The following LRP1B variants were observed in gnomAD, a reference collection of about 807,000 sequenced individuals.
LRP1B encodes LDL receptor related protein 1B.
Under a neutral mutation model 556.6 loss-of-function variants are expected in LRP1B, and 217 were observed. That is an observed-to-expected ratio of 0.39 (90% CI 0.35 to 0.44). The LOEUF (loss-of-function observed/expected upper bound fraction) is 0.44, where lower values mean the gene tolerates loss of function less well. LRP1B is among the 20% of genes least tolerant of loss of function. The pLI, the probability that LRP1B is intolerant of heterozygous loss-of-function variation, is 1.00. For missense variants in LRP1B, 5,053 were observed against 5,620.8 expected (o/e 0.90, Z 3.23); for synonymous variants, 2,047 against 1,865.8 (o/e 1.10, Z -2.50).
chr2:142,055,602 C>A (rs981382871), intron 1 of LRP1B, among the ~76,000 whole-genome samples: 7 of 152,094 alleles, frequency 4.6e-5, no homozygotes, highest in Admixed American at 2.0e-4. Context: ...TATCATAGGG[C>A]CTTCAAGAAC....
At chr2:142,107,469 A>T (rs552822493) in intron 1 of LRP1B, among the ~76,000 whole-genome samples, 2 of 152,212 alleles carry the variant, frequency 1.3e-5, no homozygotes, top group South Asian at 4.1e-4. Flanking sequence ...GCCCCACCAG[A>T]TGCTGACACC....
chr2:140,411,977 C>CTT lies in LRP1B; in HGVS notation c.10415-25970_10415-25969dup, dbSNP rs1558864149. On this transcript the variant is annotated intron_variant, in intron 66 of 90. Coordinates refer to ENST00000389484, the MANE Select transcript of LRP1B (RefSeq NM_018557.3). ...AATCTTTTACAATTTCTGTTATTGG[C>CTT]TTTTGGTCATCCTTAATTATCCTTA... 6.6e-5 allele frequency among the ~76,000 whole-genome samples: 10 copies of CTT among 152,148 alleles called. No homozygotes were observed. In the South Asian group the frequency reaches 2.1e-3, roughly 32 times the overall value.
chr2:141,059,607 T>C (rs1435226833), intron 8 of LRP1B, among the ~76,000 whole-genome samples: 1 of 151,838 alleles, frequency 6.6e-6, no homozygotes, highest in Non-Finnish European at 1.5e-5. Flanking sequence ...ATATTTGCAA[T>C]CATTGTAAAT....
At position 140,980,081 on chromosome 2, in the gene LRP1B, G is replaced by A. The variant is rs191416576; in HGVS notation, c.2887+2079C>T. ...AAATTGTTATTAAAATAAAGAAACA[G>A]GTCTTGCCCTAGGCCTATTAAAAAA... On this transcript the variant is annotated intron_variant, in intron 18 of 90. Coordinates refer to ENST00000389484, the MANE Select transcript of LRP1B (RefSeq NM_018557.3). Among the ~76,000 whole-genome samples, 764 of 151,618 alleles carry A rather than the reference G, an allele frequency of 5.0e-3. 6 individuals carry two copies. Among genetic ancestry groups the A allele is most frequent in the Admixed American group, 5.7e-3 (87 of 15,198 alleles).
intron 29 of LRP1B, among the ~76,000 whole-genome samples, chr2:140,843,292 A>T (rs1692178638): frequency 6.6e-6 from 1 of 151,902 alleles, no homozygotes; most frequent in Non-Finnish European, 1.5e-5. Flanking sequence ...ATGCTCTCTC[A>T]AATCTCTTTC....
At chr2:141,612,903 T>G (rs1019280978) in intron 2 of LRP1B, among the ~76,000 whole-genome samples, 3 of 152,064 alleles carry the variant, frequency 2.0e-5, no homozygotes, top group Admixed American at 6.5e-5. Context: ...CCCTGGTTCA[T>G]GCCATTTTCC....
In LRP1B at chr2:140,526,287, C is replaced by T. The variant is rs147420499; in HGVS notation, c.7826G>A (p.Arg2609Gln). Reference sequence around the variant, plus strand: ...TGCACAATCTATGTTCTGGTTGCATCGTGCTGATCTTGGAATACAAGTCCC... The same window carrying T: ...TGCACAATCTATGTTCTGGTTGCATTGTGCTGATCTTGGAATACAAGTCCC... Reference protein sequence around the residue: ...ADGTCIPRSARCNQNIDCADA... With the variant: ...ADGTCIPRSAQCNQNIDCADA... Residue 2609 changes from arginine (R) to glutamine (Q), a missense_variant, in exon 48 of 91, where the codon CGA becomes CAA. Physicochemically the swap from Arg to Gln is conservative, Grantham distance 43. Coordinates refer to ENST00000389484, the MANE Select transcript of LRP1B (RefSeq NM_018557.3). The T allele has an allele frequency of 1.6e-5, 25 of 1,611,990 alleles. No individual in the cohort carries two copies. The highest frequency in any genetic ancestry group is 1.3e-4 in the East Asian group (6 of 44,820).
chr2:140,510,095 T>C (rs2104918037), intron 51 of LRP1B, 39 bp from the exon 52 acceptor site: 1 of 1,602,892 alleles, frequency 6.2e-7, no homozygotes. Context: ...GATTACTCTG[T>C]GTCCACTGGA....
chr2:142,087,361 A>C (rs1399484141), intron 1 of LRP1B, among the ~76,000 whole-genome samples: 1 of 151,932 alleles, frequency 6.6e-6, no homozygotes, highest in Admixed American at 6.6e-5. Context: ...CAGGCTTGAC[A>C]TGTCTTACTT....
intron 31 of LRP1B, among the ~76,000 whole-genome samples, chr2:140,825,874 C>T (rs1351782138): frequency 6.6e-6 from 1 of 152,212 alleles, no homozygotes; most frequent in African/African-American, 2.4e-5. Context: ...CATGTGTCAA[C>T]ATGGCTAGGC....
At chr2:140,445,719 T>A (rs1686629637) in intron 63 of LRP1B, among the ~76,000 whole-genome samples, 1 of 152,250 alleles carries the variant, frequency 6.6e-6, no homozygotes, top group African/African-American at 2.4e-5. Context: ...CATAACATTC[T>A]CATTTTGGCA....
intron 60 of LRP1B, among the ~76,000 whole-genome samples, chr2:140,470,190 T>C (rs1687704698): frequency 6.6e-6 from 1 of 152,236 alleles, no homozygotes; most frequent in South Asian, 2.1e-4. Flanking sequence ...TGTTCAACTT[T>C]GAAATATGTT....
At chr2:140,857,868 G>C (rs184951616) in intron 27 of LRP1B, among the ~76,000 whole-genome samples, 2 of 151,738 alleles carry the variant, frequency 1.3e-5, no homozygotes, top group Admixed American at 6.6e-5. Flanking sequence ...ACTTTCAGTC[G>C]TTCTAAAGAG....
At chr2:140,616,930 A>C (rs1005438312) in intron 41 of LRP1B, among the ~76,000 whole-genome samples, 3 of 151,942 alleles carry the variant, frequency 2.0e-5, no homozygotes, top group Admixed American at 6.6e-5. Flanking sequence ...AAACAAAAAG[A>C]AGCAGCAATA....
rs115118775 is a variant in LRP1B at position 141,300,481 on chromosome 2, A to G, written c.344-45840T>C. ...ATTATAACTAGGTAAACCTAAACTA[A>G]TCTGAAATGGTTTGGATCAGTGTCC... On this transcript the variant is annotated intron_variant, in intron 3 of 90. Coordinates refer to ENST00000389484, the MANE Select transcript of LRP1B (RefSeq NM_018557.3). Among the ~76,000 whole-genome samples the G allele has an allele frequency of 4.0e-3, 615 of 152,266 alleles. 5 individuals carry two copies. Among genetic ancestry groups the G allele is most frequent in the African/African-American group, 0.014 (571 of 41,562 alleles).
Position 140,903,141 on chromosome 2 carries a change from C to A in LRP1B, c.3545G>T (p.Gly1182Val), listed in dbSNP as rs773597538. ...LCDECSLNNG[G>V]CSNHCSVVPG... ...AACAACAGAACAGTGGTTGCTACAG[C>A]CTCCATTGTTCAGCGAACACTCATC... Residue 1182 changes from glycine to valine, a missense_variant, in exon 23 of 91, where the codon GGC (glycine) becomes GTC (valine). Physicochemically the swap from Gly to Val is moderately radical, Grantham distance 109. Transcript: ENST00000389484. The A allele has an allele frequency of 1.9e-6, 3 of 1,613,208 alleles. No individual in the cohort carries two copies. Among genetic ancestry groups the A allele is most frequent in the African/African-American group, 1.3e-5 (1 of 74,868 alleles).
chr2:140,565,340 C>T (rs920566188), intron 43 of LRP1B, among the ~76,000 whole-genome samples: 1 of 151,578 alleles, frequency 6.6e-6, no homozygotes, highest in African/African-American at 2.4e-5. Context: ...CATATTTTAA[C>T]CCATGTAATA....
At chr2:141,170,111 T>C (rs997909378) in intron 7 of LRP1B, among the ~76,000 whole-genome samples, 9 of 152,106 alleles carry the variant, frequency 5.9e-5, no homozygotes, top group African/African-American at 2.2e-4. Flanking sequence ...ATGATAGATA[T>C]GATAACAAAC....
At chr2:140,661,155 C>G (rs1009940482) in intron 41 of LRP1B, among the ~76,000 whole-genome samples, 1 of 152,030 alleles carries the variant, frequency 6.6e-6, no homozygotes, top group Non-Finnish European at 1.5e-5. Flanking sequence ...GTTACCTACT[C>G]CAGTTTATAT....
Sources: allele counts gnomAD v4.1 joint callset (sites outside exome capture counted in the v4.1 genomes callset), GRCh38; gene constraint gnomAD v4.1.1; transcripts MANE v1.5; gene names NCBI Gene and HGNC (gene_info 2026-07-23, HGNC 2026-07-21).